Variants in ZBTB16 observed in about 807,000 individuals in gnomAD.
The protein encoded by ZBTB16 is zinc finger and BTB domain containing 16.
ZBTB16 carries 8 observed loss-of-function variants against 56.8 expected under a neutral mutation model. That is an observed-to-expected ratio of 0.14 (90% CI 0.08 to 0.25). ZBTB16 has a LOEUF of 0.25. ZBTB16 is among the 10% of genes least tolerant of loss of function. The pLI is 1.00. For missense variants in ZBTB16, 625 were observed against 903.0 expected (o/e 0.69, Z 3.95); for synonymous variants, 363 against 368.5 (o/e 0.98, Z 0.17).
At chr11:114,203,332 T>C (rs191682813) in intron 4 of ZBTB16, among the ~76,000 whole-genome samples, 3 of 152,304 alleles carry the variant, frequency 2.0e-5, no homozygotes, top group Admixed American at 2.0e-4. Context: ...GGGTATGTGG[T>C]TCCTTTTTGG....
chr11:114,215,125 C>CT (rs1944070976), intron 4 of ZBTB16, among the ~76,000 whole-genome samples: 1 of 152,076 alleles, frequency 6.6e-6, no homozygotes, highest in African/African-American at 2.4e-5. Context: ...TTTTATGTCC[C>CT]TTAATGAGTG....
chr11:114,225,165 T>A (rs1944304513), intron 4 of ZBTB16, among the ~76,000 whole-genome samples: 1 of 151,892 alleles, frequency 6.6e-6, no homozygotes, highest in Non-Finnish European at 1.5e-5. Context: ...ATGAAAGAAG[T>A]AAGGAAAGGA....
chr11:114,210,687 C>CTTG (rs869103933), intron 4 of ZBTB16: 1 of 147,232 alleles, frequency 6.8e-6, no homozygotes, highest in South Asian at 2.8e-4. Flanking sequence ...GTAAACTTCC[C>CTTG]AGAGCAAGAG....
At chr11:114,249,609 CAAAAAATTA>C (rs1944880460) in intron 6 of ZBTB16, among the ~76,000 whole-genome samples, 9 of 138,592 alleles carry the variant, frequency 6.5e-5, no homozygotes, top group Non-Finnish European at 1.4e-4. Flanking sequence ...ACTAAAAATA[CAAAAAATTA>C]GCCGGGCGCG....
intron 2 of ZBTB16, among the ~76,000 whole-genome samples, chr11:114,111,429 A>G (rs975196403): frequency 6.6e-6 from 1 of 152,152 alleles, no homozygotes; most frequent in Non-Finnish European, 1.5e-5. Flanking sequence ...ATTTAAACCA[A>G]TAGAGAGAAA....
chr11:114,180,084 T>G (rs946056802), intron 3 of ZBTB16, among the ~76,000 whole-genome samples: 1 of 152,206 alleles, frequency 6.6e-6, no homozygotes, highest in African/African-American at 2.4e-5. Flanking sequence ...CAGTCCCGCC[T>G]CTGGCATGTG....
rs947155638 is a variant in ZBTB16, at chr11:114,254,621, G to A, written c.*4066G>A. ...AGCCGAGCTAGGGTGAAAACTGGGGGCGCACCAGGATGTGAGACAGAAAAG... is the reference window on the plus strand; with the variant it reads ...AGCCGAGCTAGGGTGAAAACTGGGGACGCACCAGGATGTGAGACAGAAAAG... On this transcript the variant is annotated 3_prime_UTR_variant, in exon 7 of 7. Transcript: ENST00000335953. Among the ~76,000 whole-genome samples the A allele has an allele frequency of 6.6e-6, 1 of 152,108 alleles. No homozygotes were observed. The highest frequency in any genetic ancestry group is 2.4e-5 in the African/African-American group (1 of 41,394).
chr11:114,226,166 G>A, intron 4 of ZBTB16, among the ~76,000 whole-genome samples: 1 of 152,140 alleles, frequency 6.6e-6, no homozygotes, highest in Non-Finnish European at 1.5e-5. Context: ...GAAATTTGAG[G>A]TGCATGAGTG....
Position 114,242,159 on chromosome 11 carries a change from TCC to T in ZBTB16, c.1454-6_1454-5del. On this transcript the variant is annotated splice_polypyrimidine_tract_variant and splice_region_variant and intron_variant, in intron 4 of 6. Coordinates refer to ENST00000335953, the MANE Select transcript of ZBTB16 (RefSeq NM_006006.6). The stretch of plus-strand genomic sequence containing the variant: ...TTTCTGAGGCACCCCCTCTCCTGTC[TCC>T]CACAGGCACTGACATGGCCGTCTTC... The T allele has an allele frequency of 6.2e-7, 1 of 1,613,608 alleles. No homozygotes were observed. Among genetic ancestry groups the T allele is most frequent in the Non-Finnish European group, 8.5e-7 (1 of 1,179,872 alleles).
intron 4 of ZBTB16, among the ~76,000 whole-genome samples, chr11:114,233,079 GCGCACACACACACA>G (rs1194643888): frequency 3.7e-4 from 20 of 53,762 alleles, no homozygotes; most frequent in African/African-American, 1.2e-3. Context: ...GCGCGCGCGC[GCGCACACACACACA>G]CACACACACA....
intron 5 of ZBTB16, among the ~76,000 whole-genome samples, chr11:114,244,182 C>T (rs1445192267): frequency 3.3e-5 from 5 of 152,050 alleles, no homozygotes; most frequent in Admixed American, 6.5e-5. Context: ...TTAGTCCAGC[C>T]GTGCTCTTGG....
chr11:114,141,511 T>G (rs564159322), intron 2 of ZBTB16, among the ~76,000 whole-genome samples: 1 of 152,244 alleles, frequency 6.6e-6, no homozygotes, highest in African/African-American at 2.4e-5. Flanking sequence ...TACACACTTA[T>G]CATAAAGACA....
chr11:114,199,984 C>T (rs896193632), intron 4 of ZBTB16, among the ~76,000 whole-genome samples: 1 of 151,904 alleles, frequency 6.6e-6, no homozygotes, highest in African/African-American at 2.4e-5. Flanking sequence ...AAAAATTAGC[C>T]GGGCTTGGTG....
At position 114,242,379 on chromosome 11, in the gene ZBTB16, G is replaced by C. The variant is rs1476411688; in HGVS notation, c.1624+42G>C. The C allele has an allele frequency of 6.8e-6, 11 of 1,607,438 alleles. No homozygotes were observed. In the Admixed American group the frequency reaches 1.0e-4, roughly 15 times the overall value. ...GATGGGTGGATCTGGGTCTCTGGGAGCCAGCGTCTATATTTACCTCCAAGG... is the reference window on the plus strand; with the variant it reads ...GATGGGTGGATCTGGGTCTCTGGGACCCAGCGTCTATATTTACCTCCAAGG... On this transcript the variant is annotated intron_variant, in intron 5 of 6. Coordinates refer to ENST00000335953, the MANE Select transcript of ZBTB16 (RefSeq NM_006006.6).
At position 114,251,845 on chromosome 11, in the gene ZBTB16, C is replaced by T. The variant is rs1258455041; in HGVS notation, c.*1290C>T. Among the ~76,000 whole-genome samples, 2 of 152,098 alleles carry T rather than the reference C, an allele frequency of 1.3e-5. No individual in the cohort carries two copies. Among genetic ancestry groups the T allele is most frequent in the African/African-American group, 2.4e-5 (1 of 41,408 alleles). On this transcript the variant is annotated 3_prime_UTR_variant, in exon 7 of 7. Transcript: ENST00000335953. ...TTATGTTTTGCTTCTTTTCTGTGTC[C>T]CCTGTTAGCACATTGTACTTGAATT...
At chr11:114,072,626 C>T (rs1939390574) in intron 2 of ZBTB16, among the ~76,000 whole-genome samples, 1 of 152,178 alleles carries the variant, frequency 6.6e-6, no homozygotes, top group South Asian at 2.1e-4. Flanking sequence ...TGCTACATGT[C>T]AGATTCTGTG....
At chr11:114,233,679 C>G (rs547230125) in intron 4 of ZBTB16, among the ~76,000 whole-genome samples, 1 of 151,918 alleles carries the variant, frequency 6.6e-6, no homozygotes, top group East Asian at 1.9e-4. Flanking sequence ...TTTTCTCCCC[C>G]TCTTGGGCTG....
rs1944973080 is a variant in ZBTB16, at chr11:114,254,774, T to A, written c.*4219T>A. On this transcript the variant is annotated 3_prime_UTR_variant, in exon 7 of 7. Coordinates refer to ENST00000335953, the MANE Select transcript of ZBTB16 (RefSeq NM_006006.6). ...GCTGTAATGGTGGCACTTACCTGGATATTTCAGTGGGAGGATGAAAGGCGA... is the reference window on the plus strand; with the variant it reads ...GCTGTAATGGTGGCACTTACCTGGAAATTTCAGTGGGAGGATGAAAGGCGA... 6.6e-6 allele frequency among the ~76,000 whole-genome samples: 1 copy of A among 152,054 alleles called. No individual in the cohort carries two copies. The highest frequency in any genetic ancestry group is 6.5e-5 in the Admixed American group (1 of 15,272).
At chr11:114,167,215 G>T (rs1280980378) in intron 3 of ZBTB16, among the ~76,000 whole-genome samples, 4 of 81,012 alleles carry the variant, frequency 4.9e-5, no homozygotes, top group South Asian at 4.5e-4. Context: ...ATGGATTTGT[G>T]GTTTTTTTTT....
Sources: allele counts gnomAD v4.1 joint callset (sites outside exome capture counted in the v4.1 genomes callset), GRCh38; gene constraint gnomAD v4.1.1; transcripts MANE v1.5; gene names NCBI Gene and HGNC (gene_info 2026-07-23, HGNC 2026-07-21).